The following APBA1 variants were observed in gnomAD, a reference collection of about 807,000 sequenced individuals.
APBA1 encodes the protein amyloid-beta A4 precursor protein-binding family A member 1.
A neutral mutation model predicts 86.6 loss-of-function variants in APBA1; 55 were observed. The observed-to-expected ratio is 0.64, with a 90% CI of 0.51 to 0.80. The LOEUF (loss-of-function observed/expected upper bound fraction) is 0.80. APBA1 is among the 30% of genes least tolerant of loss of function. The probability of loss-of-function intolerance (pLI) is 0.00; values close to 1 mark genes in which losing one functional copy is unlikely to be tolerated. For synonymous variants in APBA1, 511 were observed against 493.9 expected (o/e 1.03, Z -0.46); for missense variants, 1,090 against 1,183.0 (o/e 0.92, Z 1.15).
At chr9:69,449,875 C>T (rs1043003051) in intron 9 of APBA1, 79 bp from the exon 10 acceptor site, 6 of 1,295,758 alleles carry the variant, frequency 4.6e-6, no homozygotes, top group Non-Finnish European at 5.3e-6. Flanking sequence ...CTCCCCCATT[C>T]CTGTCTTGCC....
chr9:69,629,531 A>G (rs1050160462), intron 1 of APBA1, among the ~76,000 whole-genome samples: 7 of 152,182 alleles, frequency 4.6e-5, no homozygotes, highest in Admixed American at 6.5e-5. Flanking sequence ...GTGTTATGGT[A>G]AAATATTGAA....
At chr9:69,639,781 G>A (rs996654167) in intron 1 of APBA1, among the ~76,000 whole-genome samples, 1 of 152,192 alleles carries the variant, frequency 6.6e-6, no homozygotes, top group Admixed American at 6.5e-5. Flanking sequence ...GTTGACAAGT[G>A]TTTCTCCTTA....
intron 1 of APBA1, among the ~76,000 whole-genome samples, chr9:69,609,464 A>C (rs78262799): frequency 0.051 from 7,778 of 152,260 alleles, 433 homozygotes; most frequent in African/African-American, 0.13. Flanking sequence ...CAAAACAATT[A>C]TGTAATTCTC....
Position 69,456,273 on chromosome 9 carries a change from T to G in APBA1, c.1762A>C (p.Ile588Leu). 6.2e-7 allele frequency: 1 copy of G among 1,614,210 alleles called. No homozygotes were observed. Among genetic ancestry groups the G allele is most frequent in the Non-Finnish European group, 8.5e-7 (1 of 1,180,032 alleles). The part of the protein sequence containing the change: ...SQDGKRQYKM[I>L]CHVFESEDAQ... ...TCCTCAGACTCGAAGACGTGGCAGA[T>G]CATCTTGTACTGCCTTTTCCCATCC... Residue 588 changes from isoleucine (I) to leucine (L), a missense_variant, in exon 8 of 13, where the codon ATC becomes CTC. Physicochemically the swap from Ile to Leu is conservative, Grantham distance 5. This residue lies in a region of APBA1 where 103 missense variants were observed against 91.9 expected (regional missense o/e 1.12). Transcript: ENST00000265381.
chr9:69,635,186 T>A (rs764121304), intron 1 of APBA1, among the ~76,000 whole-genome samples: 29 of 152,112 alleles, frequency 1.9e-4, no homozygotes, highest in Non-Finnish European at 3.7e-4. Context: ...TACAATAAGA[T>A]ATAAACAGAA....
At chr9:69,493,576 G>A (rs956990288) in intron 2 of APBA1, among the ~76,000 whole-genome samples, 1 of 152,094 alleles carries the variant, frequency 6.6e-6, no homozygotes, top group Admixed American at 6.5e-5. Flanking sequence ...CTACAGGACA[G>A]TAATCATATT....
intron 1 of APBA1, among the ~76,000 whole-genome samples, chr9:69,588,732 T>A (rs1262542231): frequency 6.6e-6 from 1 of 152,152 alleles, no homozygotes; most frequent in East Asian, 1.9e-4. Flanking sequence ...TGAGTACGTA[T>A]CATATGGCAG....
At chr9:69,457,700 C>T (rs920812209) in intron 6 of APBA1, among the ~76,000 whole-genome samples, 1 of 152,160 alleles carries the variant, frequency 6.6e-6, no homozygotes, top group Non-Finnish European at 1.5e-5. Context: ...AGTAGTAGCT[C>T]ATAAGCACCT....
intron 1 of APBA1, among the ~76,000 whole-genome samples, chr9:69,607,435 C>T (rs556712058): frequency 1.8e-4 from 28 of 152,204 alleles, no homozygotes; most frequent in South Asian, 1.2e-3. Flanking sequence ...GGGAATTATG[C>T]GAACTACAAT....
chr9:69,515,699 G>C (rs889439155), intron 2 of APBA1, among the ~76,000 whole-genome samples: 33 of 117,518 alleles, frequency 2.8e-4, no homozygotes, highest in Non-Finnish European at 3.6e-4. Flanking sequence ...CTGGGGGGGG[G>C]GGGGGCGGGG....
In APBA1 at chr9:69,467,971, G is replaced by A; in HGVS notation, c.1337-3C>T. 1 of 1,613,886 alleles carries A rather than the reference G, an allele frequency of 6.2e-7. No individual in the cohort carries two copies. Among genetic ancestry groups the A allele is most frequent in the Non-Finnish European group, 8.5e-7 (1 of 1,179,874 alleles). On this transcript the variant is annotated splice_polypyrimidine_tract_variant and splice_region_variant and intron_variant, in intron 4 of 12. Transcript: ENST00000265381. ...TTCGGGGTCGCAGGGTCCCGGAACTGTAACACATAGAGCCACAGTGAGGAA... is the reference window on the plus strand; with the variant it reads ...TTCGGGGTCGCAGGGTCCCGGAACTATAACACATAGAGCCACAGTGAGGAA...
intron 1 of APBA1, among the ~76,000 whole-genome samples, chr9:69,527,871 C>A (rs1836368017): frequency 6.6e-6 from 1 of 152,094 alleles, no homozygotes; most frequent in South Asian, 2.1e-4. Flanking sequence ...TTTGTTATAT[C>A]TGATTTTTTA....
intron 1 of APBA1, among the ~76,000 whole-genome samples, chr9:69,556,734 C>A (rs2133933997): frequency 6.6e-6 from 1 of 152,248 alleles, no homozygotes; most frequent in African/African-American, 2.4e-5. Flanking sequence ...ATTTGGTGAT[C>A]AAAGCCTTAA....
At chr9:69,602,346 C>T (rs1227043359) in intron 1 of APBA1, among the ~76,000 whole-genome samples, 6 of 152,020 alleles carry the variant, frequency 3.9e-5, no homozygotes, top group South Asian at 4.2e-4. Context: ...ACGAGGCGGG[C>T]GGATCATGAG....
chr9:69,455,108 C>T lies in APBA1; in HGVS notation c.1788+1139G>A, dbSNP rs62570246. Among the ~76,000 whole-genome samples, 163 of 152,250 alleles carry T rather than the reference C, an allele frequency of 1.1e-3. 1 individual carries two copies. Among genetic ancestry groups the T allele is most frequent in the Middle Eastern group, 6.8e-3 (2 of 294 alleles). ...CAGGATGGCTGCTGACACCTAACTT[C>T]CGAGAGGAAGGCAATTTCTGCAGCT... On this transcript the variant is annotated intron_variant, in intron 8 of 12. Coordinates refer to ENST00000265381, the MANE Select transcript of APBA1 (RefSeq NM_001163.4).
intron 1 of APBA1, among the ~76,000 whole-genome samples, chr9:69,648,013 C>T (rs1823424284): frequency 6.6e-6 from 1 of 152,232 alleles, no homozygotes; most frequent in Non-Finnish European, 1.5e-5. Context: ...GGCCATGCTG[C>T]AGCCGCCCCC....
At position 69,517,051 on chromosome 9, in the gene APBA1, C is replaced by T; in HGVS notation, c.160G>A (p.Gly54Arg). 3 of 1,582,018 alleles carry T rather than the reference C, an allele frequency of 1.9e-6. No individual in the cohort carries two copies. The highest frequency in any genetic ancestry group is 2.3e-5 in the South Asian group (2 of 88,008). ...GCGCGGAGGTCCTCGAGGGCTCGCC[C>T]GCGCTGGTGGCGGCCCACATAGTGC... ...QQHYVGRHQR[G>R]RALEDLRAQL... Residue 54 changes from glycine (G) to arginine (R), a missense_variant, in exon 2 of 13, where the codon GGG becomes AGG. By Grantham distance (125) the Gly-to-Arg change is moderately radical (BLOSUM62 -2). This residue lies in a region of APBA1 where 678 missense variants were observed against 647.1 expected (regional missense o/e 1.05). Coordinates refer to ENST00000265381, the MANE Select transcript of APBA1 (RefSeq NM_001163.4).
At chr9:69,620,647 A>G (rs559143469) in intron 1 of APBA1, among the ~76,000 whole-genome samples, 9 of 152,310 alleles carry the variant, frequency 5.9e-5, no homozygotes, top group African/African-American at 2.2e-4. Flanking sequence ...ACTGCACTCC[A>G]GCCTGGGCGA....
chr9:69,494,429 C>T (rs1011472333), intron 2 of APBA1: 7 of 152,080 alleles, frequency 4.6e-5, no homozygotes, highest in East Asian at 1.9e-4. Flanking sequence ...CGAGGCCACA[C>T]AAATAATGCA....
Sources: gnomAD v4.1 joint callset for allele counts (sites outside exome capture counted in the v4.1 genomes callset) on GRCh38, gnomAD v4.1.1 for gene constraint, gnomAD v4.1.1 regional missense constraint, MANE v1.5 for transcripts, NCBI Gene and HGNC (gene_info 2026-07-23, HGNC 2026-07-21) for gene names.